The following GPHN variants were observed in gnomAD, a reference collection of about 807,000 sequenced individuals.
GPHN encodes gephyrin.
A neutral mutation model predicts 95.5 loss-of-function variants in GPHN; 17 were observed. The ratio of observed to expected loss-of-function variants is 0.18; its 90% CI spans 0.12 to 0.27. The LOEUF is 0.27. GPHN is among the 10% of genes least tolerant of loss of function. The pLI is 1.00. For synonymous variants in GPHN, 320 were observed against 322.5 expected, an observed-to-expected ratio of 0.99 and a Z score of 0.08; for missense variants, 660 against 978.1, an observed-to-expected ratio of 0.67 and a Z score of 4.34.
At chr14:66,700,934 T>G (rs1050425686) in intron 2 of GPHN, among the ~76,000 whole-genome samples, 5 of 151,660 alleles carry the variant, frequency 3.3e-5, no homozygotes, top group African/African-American at 1.2e-4. Context: ...AAAAAAACTA[T>G]ATTATTTCTC....
chr14:67,150,470 A>AACAAAACAAAACAAAAAT (rs1567410937), intron 18 of GPHN, among the ~76,000 whole-genome samples: 2 of 148,540 alleles, frequency 1.3e-5, no homozygotes, highest in African/African-American at 2.5e-5. Context: ...AAAAAAAAAA[A>AACAAAACAAAACAAAAAT]AAACATTGTA....
At chr14:66,805,678 ATCT>A (rs2060514936) in intron 3 of GPHN, among the ~76,000 whole-genome samples, 1 of 152,186 alleles carries the variant, frequency 6.6e-6, no homozygotes, top group South Asian at 2.1e-4. Context: ...AGGCAGTCAA[ATCT>A]TTAAGCTGCA....
intron 1 of GPHN, among the ~76,000 whole-genome samples, chr14:66,558,369 G>C (rs2140246826): frequency 6.6e-6 from 1 of 152,236 alleles, no homozygotes; most frequent in East Asian, 1.9e-4. Flanking sequence ...ACATAGAGAA[G>C]ACAACACTGA....
the GPHN span, among the ~76,000 whole-genome samples, chr14:67,264,420 G>A: frequency 6.6e-6 from 1 of 151,608 alleles, no homozygotes; most frequent in Non-Finnish European, 1.5e-5. Context: ...CTGTGCTTTT[G>A]GGGTCAAATT....
At chr14:67,672,242 C>T in the GPHN span, among the ~76,000 whole-genome samples, 10 of 151,792 alleles carry the variant, frequency 6.6e-5, no homozygotes, top group East Asian at 9.7e-4. Flanking sequence ...CCTCAGCCTC[C>T]CCAGGAGCTG....
At chr14:67,598,297 G>C in the GPHN span, among the ~76,000 whole-genome samples, 1 of 152,176 alleles carries the variant, frequency 6.6e-6, no homozygotes, top group Non-Finnish European at 1.5e-5. Context: ...GGTAAGCAGA[G>C]TACACCGGCA....
intron 3 of GPHN, among the ~76,000 whole-genome samples, chr14:66,783,623 G>C (rs1160692234): frequency 6.6e-6 from 1 of 152,216 alleles, no homozygotes; most frequent in Non-Finnish European, 1.5e-5. Context: ...TAAGCCAGGT[G>C]AGGCTATTCG....
At chr14:67,321,146 G>A in the GPHN span, 2 of 1,614,164 alleles carry the variant, frequency 1.2e-6, no homozygotes, top group East Asian at 2.2e-5. Flanking sequence ...CATAGCAGCT[G>A]GAAAGTTCAT....
At chr14:67,658,217 A>T in the GPHN span, among the ~76,000 whole-genome samples, 1 of 152,356 alleles carries the variant, frequency 6.6e-6, no homozygotes, top group African/African-American at 2.4e-5. Context: ...GACTAAGAAA[A>T]GATCAGATCA....
At chr14:67,227,798 T>A in the GPHN span, 17 of 152,208 alleles carry the variant, frequency 1.1e-4, no homozygotes. Flanking sequence ...TAAAAGCCCA[T>A]AATCTTAATC....
the GPHN span, chr14:67,587,458 C>T: frequency 3.4e-6 from 2 of 583,502 alleles, no homozygotes; most frequent in Non-Finnish European, 6.1e-6. Context: ...CCATTTATTC[C>T]TTTTTTCATA....
chr14:67,500,252 G>A, the GPHN span, among the ~76,000 whole-genome samples: 1 of 152,060 alleles, frequency 6.6e-6, no homozygotes, highest in Non-Finnish European at 1.5e-5. Context: ...GAGGTGGGTG[G>A]ATCACGAGAT....
At chr14:67,174,417 T>C (rs985293570) in intron 21 of GPHN, among the ~76,000 whole-genome samples, 9 of 152,190 alleles carry the variant, frequency 5.9e-5, no homozygotes, top group African/African-American at 2.2e-4. Context: ...AACTCATCCA[T>C]TTTTATGGCT....
chr14:67,222,999 CTT>C, the GPHN span, among the ~76,000 whole-genome samples: 19 of 124,742 alleles, frequency 1.5e-4, no homozygotes, highest in Non-Finnish European at 2.5e-4. Context: ...TCCCATTGGG[CTT>C]TTTTTTTTTT....
the GPHN span, among the ~76,000 whole-genome samples, chr14:67,417,227 C>T: frequency 6.6e-6 from 1 of 152,204 alleles, no homozygotes; most frequent in Admixed American, 6.5e-5. Context: ...CCTCTCTGAT[C>T]CTCAAGTTCC....
chr14:66,939,984 C>G (rs543058223), intron 8 of GPHN, among the ~76,000 whole-genome samples: 4 of 152,150 alleles, frequency 2.6e-5, no homozygotes, highest in Admixed American at 6.5e-5. Flanking sequence ...TCAAAAATCT[C>G]GTGTCCTTTG....
the GPHN span, among the ~76,000 whole-genome samples, chr14:67,514,828 G>T: frequency 6.6e-6 from 1 of 152,090 alleles, no homozygotes; most frequent in East Asian, 1.9e-4. Context: ...ACGCCCCCCT[G>T]TGCGCCCATC....
chr14:67,473,862 T>C, the GPHN span: 16 of 1,612,396 alleles, frequency 9.9e-6, no homozygotes, highest in South Asian at 2.2e-5. The surrounding 1 kb of genome is among the most constrained non-coding windows in gnomAD (Gnocchi z 6.5). Flanking sequence ...CTCGCAGAAG[T>C]AGCCGTGGAT....
the GPHN span, among the ~76,000 whole-genome samples, chr14:67,320,785 G>T: frequency 6.6e-6 from 1 of 152,114 alleles, no homozygotes; most frequent in African/African-American, 2.4e-5. Context: ...GAGTAGTAGT[G>T]TTTTAAATGC....
Sources: gnomAD v4.1 joint callset for allele counts (sites outside exome capture counted in the v4.1 genomes callset) on GRCh38, gnomAD v4.1.1 for gene constraint, Gnocchi (gnomAD v3.1) non-coding constraint, MANE v1.5 for transcripts, NCBI Gene and HGNC (gene_info 2026-07-23, HGNC 2026-07-21) for gene names.